Variants in SMAD3 observed in about 807,000 individuals in gnomAD.
The protein encoded by SMAD3 is MAD homolog 3.
SMAD3 carries 12 observed loss-of-function variants against 51.8 expected under a neutral mutation model. That is an observed-to-expected ratio of 0.23 (90% CI 0.15 to 0.38). SMAD3 has a LOEUF of 0.38. Among genes scored for constraint, SMAD3 ranks in the 10% least tolerant of loss-of-function variants. The pLI is 1.00. For synonymous variants in SMAD3, 238 were observed against 227.7 expected (o/e 1.05, Z -0.41); for missense variants, 294 against 565.6 (o/e 0.52, Z 4.87).
chr15:67,135,076 T>G (rs28414740), intron 1 of SMAD3, among the ~76,000 whole-genome samples: 34,314 of 151,884 alleles, frequency 0.23, 4,156 homozygotes, highest in East Asian at 0.35. Flanking sequence ...GCTGGGCAGG[T>G]GCTAGGGACA....
intron 1 of SMAD3, among the ~76,000 whole-genome samples, chr15:67,072,787 C>A (rs939982433): frequency 7.2e-5 from 11 of 152,186 alleles, no homozygotes; most frequent in Non-Finnish European, 1.5e-5. Flanking sequence ...CTTCAGTCTT[C>A]CCATCTTCAA....
At chr15:67,160,977 T>A (rs1026281185) in intron 1 of SMAD3, among the ~76,000 whole-genome samples, 8 of 152,050 alleles carry the variant, frequency 5.3e-5, no homozygotes, top group South Asian at 4.1e-4. Flanking sequence ...CTGATTTTTT[T>A]TTTATTATTA....
Position 67,190,839 on chromosome 15 carries a change from C to T in SMAD3, c.*303C>T, listed in dbSNP as rs917671015. 8.8e-5 allele frequency: 40 copies of T among 456,026 alleles called. No individual in the cohort carries two copies. The highest frequency in any genetic ancestry group is 6.9e-4 in the African/African-American group (36 of 51,970). 28.2% of individuals were successfully genotyped at this position (456,026 alleles called of 1,614,324 possible). ...GTATTACACCACCGGCCCCCTCCCC[C>T]CAGACTCTTTTTTTGAGTGACAGCT... On this transcript the variant is annotated 3_prime_UTR_variant, in exon 9 of 9. Transcript: ENST00000327367.
intron 1 of SMAD3, among the ~76,000 whole-genome samples, chr15:67,116,114 C>T (rs1961129483): frequency 6.6e-6 from 1 of 152,250 alleles, no homozygotes. Flanking sequence ...CTCAGCTGGC[C>T]TTTGCTGAGC....
chr15:67,138,287 G>A lies in SMAD3; in HGVS notation c.207-26608G>A, dbSNP rs751218939. On this transcript the variant is annotated intron_variant, in intron 1 of 8. Coordinates refer to ENST00000327367, the MANE Select transcript of SMAD3 (RefSeq NM_005902.4). ...CCCCCTGTGTGGGTGAAGCAGAGGCGTCGCTCAGGGCCCTCTGCCTGGTTC... is the reference window on the plus strand; with the variant it reads ...CCCCCTGTGTGGGTGAAGCAGAGGCATCGCTCAGGGCCCTCTGCCTGGTTC... 37 of 556,838 alleles carry A rather than the reference G, an allele frequency of 6.6e-5. 1 individual carries two copies. Among genetic ancestry groups the A allele is most frequent in the Non-Finnish European group, 1.0e-4 (31 of 309,488 alleles). The allele number at this position is 556,838 out of a possible 1,614,324, so 34.5% of individuals were successfully genotyped here.
chr15:67,177,919 G>A (rs1962950744), intron 5 of SMAD3, among the ~76,000 whole-genome samples: 1 of 152,146 alleles, frequency 6.6e-6, no homozygotes, highest in Non-Finnish European at 1.5e-5. Flanking sequence ...AGAATAGAAA[G>A]CGCATGGCTG....
chr15:67,125,789 G>GTCAC, intron 1 of SMAD3: 1 of 985,558 alleles, frequency 1.0e-6, no homozygotes, highest in Non-Finnish European at 1.2e-6. Context: ...CTGGGGTTAG[G>GTCAC]TCACTGCTGG....
rs149115763 is a variant in SMAD3 at position 67,126,388 on chromosome 15, C to T, written c.207-38507C>T. On this transcript the variant is annotated intron_variant, in intron 1 of 8. Coordinates refer to ENST00000327367, the MANE Select transcript of SMAD3 (RefSeq NM_005902.4). Reference sequence around the variant, plus strand: ...ACCTCCTGCTGCCAGTCTCCTAGCCCGTTACCACAGCTGTCTGTTTCTTGG... The same window carrying T: ...ACCTCCTGCTGCCAGTCTCCTAGCCTGTTACCACAGCTGTCTGTTTCTTGG... 3.1e-3 allele frequency among the ~76,000 whole-genome samples: 477 copies of T among 152,196 alleles called. 1 individual carries two copies. The highest frequency in any genetic ancestry group is 0.011 in the African/African-American group (455 of 41,514).
At chr15:67,136,365 C>T (rs1014165532) in intron 1 of SMAD3, among the ~76,000 whole-genome samples, 17 of 147,546 alleles carry the variant, frequency 1.2e-4, no homozygotes, top group Non-Finnish European at 1.6e-4. Flanking sequence ...TGGAGTCTTG[C>T]TCTGTCACCC....
chr15:67,125,744 G>T, intron 1 of SMAD3: 1 of 985,718 alleles, frequency 1.0e-6, no homozygotes, highest in Non-Finnish European at 1.2e-6. Flanking sequence ...GCTGGAGGAG[G>T]ATGACAGAGG....
At chr15:67,119,016 G>A (rs544062167) in intron 1 of SMAD3, among the ~76,000 whole-genome samples, 1 of 152,182 alleles carries the variant, frequency 6.6e-6, no homozygotes, top group Non-Finnish European at 1.5e-5. Flanking sequence ...CGTGGAGTTT[G>A]GGGGAGAGGT....
Position 67,086,344 on chromosome 15 carries a change from A to G in SMAD3, c.206+19984A>G, listed in dbSNP as rs150414943. On this transcript the variant is annotated intron_variant, in intron 1 of 8. Coordinates refer to ENST00000327367, the MANE Select transcript of SMAD3 (RefSeq NM_005902.4). ...CCTGTCCTGCCACTTCATCAGCAGTAGCATCTAAACAGCCCTTGAAGGGAA... is the reference window on the plus strand; with the variant it reads ...CCTGTCCTGCCACTTCATCAGCAGTGGCATCTAAACAGCCCTTGAAGGGAA... 3.0e-3 allele frequency among the ~76,000 whole-genome samples: 450 copies of G among 152,266 alleles called. 3 individuals carry two copies. Among genetic ancestry groups the G allele is most frequent in the African/African-American group, 0.01 (429 of 41,526 alleles).
intron 1 of SMAD3, among the ~76,000 whole-genome samples, chr15:67,121,983 T>G (rs984258910): frequency 6.6e-6 from 1 of 152,184 alleles, no homozygotes; most frequent in Non-Finnish European, 1.5e-5. Flanking sequence ...TAAATACAAT[T>G]ACAAATGCTG....
chr15:67,173,258 G>A (rs4776345), intron 5 of SMAD3, among the ~76,000 whole-genome samples: 6 of 152,126 alleles, frequency 3.9e-5, no homozygotes, highest in East Asian at 1.9e-4. Flanking sequence ...GCCTGGGGGC[G>A]GGGAGGGGGG....
At chr15:67,127,912 T>C (rs536407114) in intron 1 of SMAD3, among the ~76,000 whole-genome samples, 16 of 152,262 alleles carry the variant, frequency 1.1e-4, no homozygotes, top group Admixed American at 2.6e-4. Flanking sequence ...CTTCTGAAAC[T>C]TGGGAATAAA....
rs765624013 is a variant in SMAD3 at position 67,165,060 on chromosome 15, C to A, written c.372C>A (p.Pro124=). The A allele has an allele frequency of 8.7e-6, 14 of 1,614,108 alleles. No homozygotes were observed. The East Asian group carries it at 3.1e-4, about 36-fold the overall frequency. ...AGAAGGACGAGGTCTGCGTGAATCC[C>A]TACCACTACCAGAGAGTAGAGACAC... ...NMKKDEVCVN[P]YHYQRVETPV... is the part of the protein sequence containing the mutation. Residue 124 remains proline, a synonymous_variant, in exon 2 of 9, where the codon CCC becomes CCA. Transcript: ENST00000327367.
intron 1 of SMAD3, among the ~76,000 whole-genome samples, chr15:67,074,300 A>G (rs1483176099): frequency 6.6e-6 from 1 of 152,238 alleles, no homozygotes; most frequent in Non-Finnish European, 1.5e-5. Flanking sequence ...GACTATTCTA[A>G]GAACAGGAAG....
chr15:67,146,796 G>A (rs1478630688), intron 1 of SMAD3: 1 of 152,190 alleles, frequency 6.6e-6, no homozygotes, highest in Admixed American at 6.5e-5. Flanking sequence ...TAGAAAAAAG[G>A]CTCTTTCTCC....
At chr15:67,096,958 G>T (rs1960628308) in intron 1 of SMAD3, among the ~76,000 whole-genome samples, 1 of 152,216 alleles carries the variant, frequency 6.6e-6, no homozygotes, top group African/African-American at 2.4e-5. Flanking sequence ...GTGCTTTGGG[G>T]GTCTCCTGAG....
Sources: allele counts gnomAD v4.1 joint callset (sites outside exome capture counted in the v4.1 genomes callset), GRCh38; gene constraint gnomAD v4.1.1; transcripts MANE v1.5; gene names NCBI Gene and HGNC (gene_info 2026-07-23, HGNC 2026-07-21).